The following CACNA1A variants were observed in gnomAD, a reference collection of about 807,000 sequenced individuals.
The protein encoded by CACNA1A is calcium voltage-gated channel subunit alpha1 A, also known as voltage-dependent P/Q-type calcium channel subunit alpha-1A.
Under a neutral mutation model 262.4 loss-of-function variants are expected in CACNA1A, and 57 were observed. The observed-to-expected ratio is 0.22, with a 90% CI of 0.18 to 0.27. The LOEUF is 0.27. CACNA1A is among the 10% of genes least tolerant of loss of function. The pLI, the probability that CACNA1A is intolerant of heterozygous loss-of-function variation, is 1.00. For synonymous variants in CACNA1A, 1,431 were observed against 1,419.3 expected (o/e 1.01, Z -0.18); for missense variants, 2,526 against 3,562.8 (o/e 0.71, Z 7.41).
chr19:13,283,476 C>A (rs2057335235), intron 21 of CACNA1A, 80 bp from the exon 22 acceptor site: 3 of 1,554,606 alleles, frequency 1.9e-6, no homozygotes, highest in Non-Finnish European at 2.6e-6. Flanking sequence ...TCTCATGTTA[C>A]CTACCACTAC....
intron 36 of CACNA1A, among the ~76,000 whole-genome samples, chr19:13,229,487 G>C (rs138275941): frequency 1.3e-5 from 2 of 152,184 alleles, no homozygotes; most frequent in Admixed American, 6.5e-5. Context: ...ACCATTGCCC[G>C]TCAGTGGAGA....
chr19:13,305,191 G>A (rs1309289872), intron 15 of CACNA1A, among the ~76,000 whole-genome samples: 3 of 152,180 alleles, frequency 2.0e-5, no homozygotes, highest in African/African-American at 7.2e-5. Context: ...GTCTTGCTGG[G>A]GAGCTCTAGG....
Position 13,314,529 on chromosome 19 carries a change from T to C in CACNA1A, c.1556-1748A>G, listed in dbSNP as rs376705621. 1.6e-4 allele frequency among the ~76,000 whole-genome samples: 25 copies of C among 152,304 alleles called. No homozygotes were observed. The East Asian group carries it at 3.5e-3, about 21-fold the overall frequency. ...CACCTTCTGCCATGTAAGGACCCAG[T>C]GTTCCTCCCTTCCAGAGGATACAGT... On this transcript the variant is annotated intron_variant, in intron 11 of 46. Coordinates refer to ENST00000360228, the MANE Select transcript of CACNA1A (RefSeq NM_001127222.2).
chr19:13,226,252 C>A (rs1030568153), intron 37 of CACNA1A: 3 of 4,574 alleles, frequency 6.6e-4, no homozygotes, highest in Non-Finnish European at 1.3e-3. Context: ...TTGAGGAAAA[C>A]CGGGGGGGGG....
intron 10 of CACNA1A, among the ~76,000 whole-genome samples, chr19:13,317,984 T>C (rs941719145): frequency 4.0e-5 from 6 of 151,856 alleles, no homozygotes; most frequent in African/African-American, 1.5e-4. Context: ...AAAAGTGCTA[T>C]GGGAAAAAAA....
rs762315732 is a variant in CACNA1A, at chr19:13,455,242, C to T, written c.294-30G>A. The T allele has an allele frequency of 3.5e-6, 5 of 1,439,832 alleles. No individual in the cohort carries two copies. The Admixed American group carries it at 6.7e-5, about 19-fold the overall frequency. The allele number at this position is 1,439,832 out of a possible 1,614,324, so 89.2% of individuals were successfully genotyped here. On this transcript the variant is annotated intron_variant, in intron 1 of 46. Coordinates refer to ENST00000360228, the MANE Select transcript of CACNA1A (RefSeq NM_001127222.2). Reference sequence around the variant, plus strand: ...TGGGGAATTAAGGAAAAATCTTGTTCAAAGAAAAGAAGGGTGTTGGAGGTG... The same window carrying T: ...TGGGGAATTAAGGAAAAATCTTGTTTAAAGAAAAGAAGGGTGTTGGAGGTG...
rs188701148 is a variant in CACNA1A, at chr19:13,275,739, G to A, written c.3989+111C>T. The A allele has an allele frequency of 9.0e-5, 68 of 752,480 alleles. 1 individual carries two copies. The highest frequency in any genetic ancestry group is 1.5e-4 in the Non-Finnish European group (62 of 426,066). 46.6% of individuals were successfully genotyped at this position (752,480 alleles called of 1,614,324 possible). On this transcript the variant is annotated intron_variant, in intron 24 of 46. Coordinates refer to ENST00000360228, the MANE Select transcript of CACNA1A (RefSeq NM_001127222.2). ...TGCTGATATCTCCCACGTCCCCGGAGCCCACACACCCCATCCCTAGACCCT... is the reference window on the plus strand; with the variant it reads ...TGCTGATATCTCCCACGTCCCCGGAACCCACACACCCCATCCCTAGACCCT...
intron 5 of CACNA1A, among the ~76,000 whole-genome samples, chr19:13,361,007 G>GT (rs1398955122): frequency 6.6e-6 from 1 of 152,152 alleles, no homozygotes; most frequent in Non-Finnish European, 1.5e-5. Context: ...AATGTGCCGT[G>GT]TGCATGGTGT....
intron 38 of CACNA1A, among the ~76,000 whole-genome samples, chr19:13,221,166 C>G (rs2055201127): frequency 7.0e-6 from 1 of 142,528 alleles, no homozygotes; most frequent in African/African-American, 2.6e-5. Flanking sequence ...GTGGGACTAT[C>G]CACCTGCTCC....
intron 1 of CACNA1A, among the ~76,000 whole-genome samples, chr19:13,485,058 T>C (rs1470505172): frequency 6.6e-6 from 1 of 152,204 alleles, no homozygotes; most frequent in East Asian, 1.9e-4. Flanking sequence ...TAAATATTTG[T>C]GGCTTCAAAG....
intron 6 of CACNA1A, among the ~76,000 whole-genome samples, chr19:13,355,007 T>C (rs891740397): frequency 7.9e-5 from 12 of 152,034 alleles, no homozygotes; most frequent in Admixed American, 2.6e-4. Flanking sequence ...CCCAAGTGGC[T>C]GGGATTACAG....
At position 13,332,854 on chromosome 19, in the gene CACNA1A, G is replaced by T. The variant is rs776757926; in HGVS notation, c.1255+15C>A. On this transcript the variant is annotated intron_variant, in intron 9 of 46. Coordinates refer to ENST00000360228, the MANE Select transcript of CACNA1A (RefSeq NM_001127222.2). ...CCCCTGGGACCCACCCCTGAGGTGG[G>T]TTTAGAGCAGTTACCATCAAAGGGA... 1.3e-6 allele frequency: 2 copies of T among 1,598,954 alleles called. No individual in the cohort carries two copies. Among genetic ancestry groups the T allele is most frequent in the South Asian group, 2.2e-5 (2 of 90,696 alleles).
At chr19:13,504,949 C>T (rs1369209664) in intron 1 of CACNA1A, among the ~76,000 whole-genome samples, 5 of 151,886 alleles carry the variant, frequency 3.3e-5, no homozygotes, top group Non-Finnish European at 7.4e-5. Context: ...TCACCTTTTT[C>T]CTCTGGATCT....
intron 27 of CACNA1A, 122 bp from the exon 28 acceptor site, chr19:13,257,673 G>A (rs950545322): frequency 3.8e-6 from 2 of 527,270 alleles, no homozygotes; most frequent in Admixed American, 3.4e-5. Flanking sequence ...AGAGGGAAAT[G>A]AAAAAGAAAT....
At chr19:13,500,047 C>T (rs757898875) in intron 1 of CACNA1A, among the ~76,000 whole-genome samples, 3 of 152,242 alleles carry the variant, frequency 2.0e-5, no homozygotes, top group South Asian at 4.2e-4. Flanking sequence ...CTCAAGGGGC[C>T]GCTGCATCCA....
rs745336852 is a variant in CACNA1A at position 13,209,370 on chromosome 19, G to A, written c.6468C>T (p.Arg2156=). Residue 2156 remains arginine (R), a synonymous_variant, in exon 45 of 47, where the codon CGC becomes CGT. Transcript: ENST00000360228. ...EENQRHHQRR[R]DRSHRASERS... ...GCTCAGAGGCGCGGTGGCTGCGGTCGCGGCGCCGCTGGTGGTGCCGCTGGT... is the reference window on the plus strand; with the variant it reads ...GCTCAGAGGCGCGGTGGCTGCGGTCACGGCGCCGCTGGTGGTGCCGCTGGT... 199 of 1,393,394 alleles carry A rather than the reference G, an allele frequency of 1.4e-4. No homozygotes were observed. The highest frequency in any genetic ancestry group is 1.6e-4 in the Non-Finnish European group (176 of 1,069,630). The allele number at this position is 1,393,394 out of a possible 1,614,324, so 86.3% of individuals were successfully genotyped here. A position where few individuals can be genotyped will look rare whatever the true frequency, so the allele number is the denominator to read the frequency against.
chr19:13,369,616 C>T (rs911161658), intron 4 of CACNA1A, among the ~76,000 whole-genome samples: 2 of 152,204 alleles, frequency 1.3e-5, no homozygotes, highest in African/African-American at 4.8e-5. Context: ...AGTGAAGTAC[C>T]TGGTAAGTCA....
intron 1 of CACNA1A, among the ~76,000 whole-genome samples, chr19:13,464,711 G>A (rs2061193951): frequency 6.6e-6 from 1 of 151,546 alleles, no homozygotes; most frequent in African/African-American, 2.4e-5. Flanking sequence ...ACCGCGCCCG[G>A]CTAATTTTTA....
At chr19:13,272,822 G>C (rs2057058443) in intron 24 of CACNA1A, 1 of 151,964 alleles carries the variant, frequency 6.6e-6, no homozygotes, top group Admixed American at 6.6e-5. Flanking sequence ...CATAGGAGAA[G>C]GATTCATTCC....
Sources: gnomAD v4.1 joint callset for allele counts (sites outside exome capture counted in the v4.1 genomes callset) on GRCh38, gnomAD v4.1.1 for gene constraint, MANE v1.5 for transcripts, NCBI Gene and HGNC (gene_info 2026-07-23, HGNC 2026-07-21) for gene names.